Variants in TLK2 observed in about 807,000 individuals in gnomAD.
The protein encoded by TLK2 is tousled like kinase 2.
In TLK2, 6 loss-of-function variants were observed where a neutral mutation model predicts 117.3. The observed-to-expected ratio is 0.05, with a 90% confidence interval of 0.03 to 0.10. TLK2 has a LOEUF of 0.10. Among genes scored for constraint, TLK2 ranks in the 10% least tolerant of loss-of-function variants. The probability of loss-of-function intolerance (pLI) is 1.00; values close to 1 mark genes in which losing one functional copy is unlikely to be tolerated. For synonymous variants in TLK2, 257 were observed against 316.7 expected (o/e 0.81, Z 2.00); for missense variants, 299 against 901.2 (o/e 0.33, Z 8.56).
chr17:62,552,185 C>G, intron 7 of TLK2, 117 bp from the exon 8 acceptor site: 1 of 844,598 alleles, frequency 1.2e-6, no homozygotes, highest in Non-Finnish European at 1.8e-6. Flanking sequence ...TTCTCACTTT[C>G]ATAAGAAGGG....
chr17:62,549,313 G>A (rs544159553), intron 7 of TLK2, among the ~76,000 whole-genome samples: 4 of 140,794 alleles, frequency 2.8e-5, no homozygotes, highest in Non-Finnish European at 3.0e-5. Flanking sequence ...TCAGGAGAAC[G>A]GCGTGAACCT....
intron 8 of TLK2, among the ~76,000 whole-genome samples, chr17:62,552,910 T>C (rs2078585366): frequency 6.6e-6 from 1 of 152,198 alleles, no homozygotes; most frequent in Admixed American, 6.5e-5. Flanking sequence ...TTTTCCTGCT[T>C]ACTTATTTAT....
At chr17:62,517,229 G>C (rs970499282) in intron 2 of TLK2, among the ~76,000 whole-genome samples, 2 of 151,460 alleles carry the variant, frequency 1.3e-5, no homozygotes, top group African/African-American at 2.4e-5. Context: ...TGAAAAAATT[G>C]ACTTTCACCA....
chr17:62,552,193 G>C (rs1270646365), intron 7 of TLK2, 109 bp from the exon 8 acceptor site: 13 of 846,346 alleles, frequency 1.5e-5, no homozygotes, highest in Non-Finnish European at 3.7e-6. Flanking sequence ...TTCATAAGAA[G>C]GGGTTTGTAT....
chr17:62,545,227 A>T (rs1439512091), intron 7 of TLK2, among the ~76,000 whole-genome samples: 1 of 152,164 alleles, frequency 6.6e-6, no homozygotes, highest in Non-Finnish European at 1.5e-5. Flanking sequence ...TGGTTTCACC[A>T]TGTTGACCAG....
chr17:62,539,473 CT>C (rs1047610954), intron 7 of TLK2, among the ~76,000 whole-genome samples: 1,723 of 129,050 alleles, frequency 0.013, 20 homozygotes, highest in African/African-American at 0.037. Flanking sequence ...ACCTCCCTCT[CT>C]TTTTTTTTTT....
rs565938476 is a variant in TLK2, at chr17:62,512,502, G to A, written c.82-8271G>A. On this transcript the variant is annotated intron_variant, in intron 2 of 21. Coordinates refer to ENST00000346027, the MANE Select transcript of TLK2 (RefSeq NM_006852.6). ...CCTCCCAAAGTGCTGGTGAGCCACC[G>A]CCCCCGGCCTACATCCTCTTTAGTA... Among the ~76,000 whole-genome samples the A allele has an allele frequency of 9.2e-5, 14 of 151,906 alleles. No individual in the cohort carries two copies. In the South Asian group the frequency reaches 2.3e-3, roughly 25 times the overall value.
chr17:62,531,191 T>G (rs2076716088), intron 6 of TLK2, among the ~76,000 whole-genome samples: 1 of 152,216 alleles, frequency 6.6e-6, no homozygotes, highest in Non-Finnish European at 1.5e-5. Context: ...TGTTCTTTTT[T>G]CCTTCTCTTA....
At chr17:62,543,097 A>T (rs548768574) in intron 7 of TLK2, among the ~76,000 whole-genome samples, 10 of 151,754 alleles carry the variant, frequency 6.6e-5, no homozygotes, top group East Asian at 3.9e-4. Context: ...AGGCTTTTAA[A>T]TTTTTTTTTA....
intron 11 of TLK2, among the ~76,000 whole-genome samples, chr17:62,568,112 T>A (rs2079949951): frequency 6.6e-6 from 1 of 152,168 alleles, no homozygotes; most frequent in Admixed American, 6.5e-5. Context: ...TAAGATTTTG[T>A]TTATGTTGAA....
rs1428836766 is a variant in TLK2, at chr17:62,573,416, A to C, written c.1121+49A>C. 3 of 1,592,774 alleles carry C rather than the reference A, an allele frequency of 1.9e-6. No homozygotes were observed. In the African/African-American group the frequency reaches 4.1e-5, roughly 22 times the overall value. On this transcript the variant is annotated intron_variant, in intron 12 of 21. Transcript: ENST00000346027. ...GCTGAGACACCACACCCTGCCCCCA[A>C]ATACAAATGTTGATTGTCACCGGCA...
chr17:62,558,052 A>T lies in TLK2; in HGVS notation c.721-1964A>T, dbSNP rs1375628996. 2.6e-5 allele frequency among the ~76,000 whole-genome samples: 4 copies of T among 152,228 alleles called. No individual in the cohort carries two copies. In the East Asian group the frequency reaches 5.8e-4, roughly 22 times the overall value. On this transcript the variant is annotated intron_variant, in intron 9 of 21. Coordinates refer to ENST00000346027, the MANE Select transcript of TLK2 (RefSeq NM_006852.6). ...GATCTAGAGGATCGACAGTGAGGGAAAGACTACATGTCTTGTATATTCTTT... is the reference window on the plus strand; with the variant it reads ...GATCTAGAGGATCGACAGTGAGGGATAGACTACATGTCTTGTATATTCTTT...
At chr17:62,574,381 C>A in intron 12 of TLK2, 1 of 1,528,506 alleles carries the variant, frequency 6.5e-7, no homozygotes, top group Non-Finnish European at 8.8e-7. Flanking sequence ...AGGATACAGC[C>A]CCAGCCTTAG....
chr17:62,583,417 G>A (rs1419307878), intron 15 of TLK2, among the ~76,000 whole-genome samples: 1 of 151,868 alleles, frequency 6.6e-6, no homozygotes, highest in African/African-American at 2.4e-5. Context: ...TTGAATTTGG[G>A]TGTCCAGTTA....
chr17:62,482,882 C>T (rs1357856095), intron 2 of TLK2, among the ~76,000 whole-genome samples: 4 of 152,128 alleles, frequency 2.6e-5, no homozygotes, highest in Admixed American at 1.3e-4. Context: ...GAGATGATAC[C>T]GTGATGAGAT....
chr17:62,478,051 C>T (rs1378201936), upstream of TLK2: 2 of 152,014 alleles, frequency 1.3e-5, no homozygotes, highest in African/African-American at 2.4e-5. Context: ...CCCAGGGCAC[C>T]TTTTGTCCCT....
At chr17:62,521,938 T>C (rs572790028) in intron 3 of TLK2, among the ~76,000 whole-genome samples, 170 of 152,290 alleles carry the variant, frequency 1.1e-3, no homozygotes, top group Admixed American at 2.2e-3. Flanking sequence ...AAATATCTTA[T>C]GAAGGTTTTG....
intron 15 of TLK2, among the ~76,000 whole-genome samples, chr17:62,580,499 TTAG>T (rs1210596271): frequency 6.6e-6 from 1 of 152,244 alleles, no homozygotes; most frequent in Admixed American, 6.5e-5. Flanking sequence ...TACATATTTG[TTAG>T]AAAAAAGTAT....
intron 18 of TLK2, 66 bp from the exon 19 acceptor site, chr17:62,601,976 A>G (rs749413453): frequency 3.4e-6 from 5 of 1,456,664 alleles, no homozygotes; most frequent in Admixed American, 3.9e-5. Context: ...CTTATCTGCT[A>G]TTACTTTGGG....
Sources: gnomAD v4.1 joint callset for allele counts (sites outside exome capture counted in the v4.1 genomes callset) on GRCh38, gnomAD v4.1.1 for gene constraint, MANE v1.5 for transcripts, NCBI Gene and HGNC (gene_info 2026-07-23, HGNC 2026-07-21) for gene names.